Variants in LNPK observed in about 807,000 individuals in gnomAD.
The protein encoded by LNPK is endoplasmic reticulum junction formation protein lunapark.
A neutral mutation model predicts 55.2 loss-of-function variants in LNPK; 29 were observed. The observed-to-expected ratio is 0.53, with a 90% confidence interval of 0.39 to 0.72. LNPK has a LOEUF of 0.72. Ranked by LOEUF, LNPK falls within the 30% of genes least tolerant of loss-of-function variation. The probability of loss-of-function intolerance (pLI) is 0.00; values close to 1 mark genes in which losing one functional copy is unlikely to be tolerated. For missense variants in LNPK, 467 were observed against 494.8 expected, an observed-to-expected ratio of 0.94 and a Z score of 0.53; for synonymous variants, 162 against 168.2, an observed-to-expected ratio of 0.96 and a Z score of 0.29.
At chr2:175,941,864 C>T (rs957446225) in intron 9 of LNPK, among the ~76,000 whole-genome samples, 5 of 93,498 alleles carry the variant, frequency 5.3e-5, no homozygotes, top group African/African-American at 1.8e-4. Context: ...AAAAAAAATA[C>T]ATTATGTACA....
rs755163176 is a variant in LNPK at position 175,926,180 on chromosome 2, A to C, written c.*3787T>G. 6.6e-6 allele frequency: 1 copy of C among 152,200 alleles called. No homozygotes were observed. Among genetic ancestry groups the C allele is most frequent in the Non-Finnish European group, 1.5e-5 (1 of 68,030 alleles). 9.4% of individuals were successfully genotyped at this position (152,200 alleles called of 1,614,324 possible). ...CCCTCTTTTTCCACTTACCAGGTAT[A>C]CAATTTTAAGCAAAGTTGCTTCCTG... On this transcript the variant is annotated 3_prime_UTR_variant, in exon 13 of 13. Transcript: ENST00000272748.
At chr2:175,933,641 TAACC>T (rs1188241200) in intron 12 of LNPK, among the ~76,000 whole-genome samples, 1 of 151,642 alleles carries the variant, frequency 6.6e-6, no homozygotes. Flanking sequence ...AATTAAATTA[TAACC>T]ACTCATAATA....
At chr2:175,994,443 T>TCTATATATAAGGAGTAAAA (rs1687841472) in intron 2 of LNPK, among the ~76,000 whole-genome samples, 4 of 152,208 alleles carry the variant, frequency 2.6e-5, no homozygotes, top group Non-Finnish European at 5.9e-5. Flanking sequence ...ATTATTATGG[T>TCTATATATAAGGAGTAAAA]AATAAGGAGT....
chr2:175,947,658 A>G lies in LNPK; in HGVS notation c.528T>C (p.Leu176=). 1 of 1,613,468 alleles carries G rather than the reference A, an allele frequency of 6.2e-7. No homozygotes were observed. The highest frequency in any genetic ancestry group is 8.5e-7 in the Non-Finnish European group (1 of 1,179,738). Residue 176 remains leucine (L), a synonymous_variant, in exon 9 of 13, where the codon CTT becomes CTC. Transcript: ENST00000272748. ...IRQRTAAQRN[L]SPTPASPNQG... is the part of the protein sequence containing the mutation. ...GGTTAGGGCTTGCTGGTGTTGGAGAAAGGTTTCTTTGAGCTGCAGTTCGCT... is the reference window on the plus strand; with the variant it reads ...GGTTAGGGCTTGCTGGTGTTGGAGAGAGGTTTCTTTGAGCTGCAGTTCGCT...
intron 1 of LNPK, 102 bp from the exon 2 acceptor site, chr2:175,995,748 T>C (rs1047385376): frequency 1.5e-5 from 7 of 469,514 alleles, no homozygotes; most frequent in Non-Finnish European, 2.3e-5. Context: ...TATTAATTTA[T>C]TTGGATGCCA....
intron 4 of LNPK, among the ~76,000 whole-genome samples, chr2:175,991,597 T>C (rs566241180): frequency 1.6e-4 from 25 of 152,296 alleles, no homozygotes; most frequent in South Asian, 1.0e-3. Flanking sequence ...ACTCATTACT[T>C]AATGTTTGCA....
At position 175,946,873 on chromosome 2, in the gene LNPK, T is replaced by C. The variant is rs114669439; in HGVS notation, c.706+607A>G. Among the ~76,000 whole-genome samples, 524 of 152,274 alleles carry C rather than the reference T, an allele frequency of 3.4e-3. 2 individuals are homozygous for C. The highest frequency in any genetic ancestry group is 0.012 in the African/African-American group (488 of 41,552). ...CAAAAGAAACTGGAGGGTACTATAG[T>C]CTATTACACTTCAGAATGGGATCTT... On this transcript the variant is annotated intron_variant, in intron 9 of 12. Coordinates refer to ENST00000272748, the MANE Select transcript of LNPK (RefSeq NM_030650.3).
intron 4 of LNPK, among the ~76,000 whole-genome samples, chr2:175,986,029 G>A (rs914085955): frequency 6.6e-6 from 1 of 152,042 alleles, no homozygotes; most frequent in Admixed American, 6.5e-5. Context: ...CTTCTTAAAG[G>A]ATGTGTTTCT....
intron 12 of LNPK, among the ~76,000 whole-genome samples, chr2:175,931,244 A>T (rs1684269051): frequency 6.6e-6 from 1 of 152,200 alleles, no homozygotes; most frequent in African/African-American, 2.4e-5. Context: ...ATATACTACA[A>T]ATGTTACTGA....
intron 4 of LNPK, among the ~76,000 whole-genome samples, chr2:175,986,406 AT>A (rs1301574401): frequency 6.6e-6 from 1 of 152,102 alleles, no homozygotes; most frequent in Non-Finnish European, 1.5e-5. Context: ...CTGATAGATT[AT>A]AACTCCCTCC....
At chr2:175,948,729 T>C (rs2105569000) in intron 8 of LNPK, among the ~76,000 whole-genome samples, 1 of 152,280 alleles carries the variant, frequency 6.6e-6, no homozygotes, top group Admixed American at 6.5e-5. Flanking sequence ...AATACATATG[T>C]CCAGAAGCAA....
rs1368567960 is a variant in LNPK at position 175,927,550 on chromosome 2, C to T, written c.*2417G>A. On this transcript the variant is annotated 3_prime_UTR_variant, in exon 13 of 13. Transcript: ENST00000272748. Reference sequence around the variant, plus strand: ...ATGGTCAGAGAACTGAAAGGAGTTCCATATGGCTACAGCACAATGATGGCG... The same window carrying T: ...ATGGTCAGAGAACTGAAAGGAGTTCTATATGGCTACAGCACAATGATGGCG... The T allele has an allele frequency of 6.6e-6, 1 of 152,128 alleles. No individual in the cohort carries two copies. The highest frequency in any genetic ancestry group is 2.4e-5 in the African/African-American group (1 of 41,410). 9.4% of individuals were successfully genotyped at this position (152,128 alleles called of 1,614,324 possible).
In LNPK at chr2:175,928,560, AAT is replaced by A. The variant is rs1312111186; in HGVS notation, c.*1405_*1406del. ...CACATATGAGATATTAAATCATAAA[AAT>A]AGATTTTTAAATGATAAAAATGTTT... On this transcript the variant is annotated 3_prime_UTR_variant, in exon 13 of 13. Transcript: ENST00000272748. 2 of 151,972 alleles carry A rather than the reference AAT, an allele frequency of 1.3e-5. No homozygotes were observed. Among genetic ancestry groups the A allele is most frequent in the African/African-American group, 2.4e-5 (1 of 41,402 alleles). 9.4% of individuals were successfully genotyped at this position (151,972 alleles called of 1,614,324 possible).
intron 5 of LNPK, among the ~76,000 whole-genome samples, chr2:175,979,356 C>T (rs62187010): frequency 6.6e-6 from 1 of 151,944 alleles, no homozygotes. Context: ...CTCAGGAGTT[C>T]GAGACCAGCC....
intron 4 of LNPK, among the ~76,000 whole-genome samples, chr2:175,981,571 G>A (rs1490317112): frequency 1.3e-5 from 2 of 152,078 alleles, no homozygotes; most frequent in South Asian, 4.1e-4. Flanking sequence ...ACATAGGCTT[G>A]CCAAAAAACA....
intron 9 of LNPK, among the ~76,000 whole-genome samples, chr2:175,945,479 C>G (rs1685077953): frequency 7.0e-6 from 1 of 142,160 alleles, no homozygotes; most frequent in African/African-American, 2.7e-5. Context: ...GCACTCCAGC[C>G]TGGGCAACAG....
chr2:175,996,392 T>C (rs1448868587), intron 1 of LNPK, among the ~76,000 whole-genome samples: 1 of 152,170 alleles, frequency 6.6e-6, no homozygotes, highest in Admixed American at 6.5e-5. Context: ...AATATCACCT[T>C]ACAAGTAATA....
At chr2:175,938,911 C>G (rs1048960794) in intron 10 of LNPK, 1 of 152,066 alleles carries the variant, frequency 6.6e-6, no homozygotes, top group Admixed American at 6.6e-5. Flanking sequence ...TATTTATATA[C>G]TTTCTCAGTT....
Position 175,929,783 on chromosome 2 carries a change from C to T in LNPK, c.*184G>A, listed in dbSNP as rs147531692. 276 of 1,423,080 alleles carry T rather than the reference C, an allele frequency of 1.9e-4. No homozygotes were observed. The African/African-American group carries it at 3.3e-3, about 17-fold the overall frequency. 88.2% of individuals were successfully genotyped at this position (1,423,080 alleles called of 1,614,324 possible). On this transcript the variant is annotated 3_prime_UTR_variant, in exon 13 of 13. Coordinates refer to ENST00000272748, the MANE Select transcript of LNPK (RefSeq NM_030650.3). Reference sequence around the variant, plus strand: ...AAAGGATCTTACTTCACTGATATAACTTGCTTTTAATTTTAATACCCAGTA... The same window carrying T: ...AAAGGATCTTACTTCACTGATATAATTTGCTTTTAATTTTAATACCCAGTA...
Sources: gnomAD v4.1 joint callset for allele counts (sites outside exome capture counted in the v4.1 genomes callset) on GRCh38, gnomAD v4.1.1 for gene constraint, MANE v1.5 for transcripts, NCBI Gene and HGNC (gene_info 2026-07-23, HGNC 2026-07-21) for gene names.